IMPACT: variants seen among roughly 807,000 people sequenced by gnomAD.
The protein encoded by IMPACT is impact RWD domain protein, also known as protein IMPACT.
A neutral mutation model predicts 47.5 loss-of-function variants in IMPACT; 35 were observed. The observed-to-expected ratio is 0.74, with a 90% CI of 0.56 to 0.98. IMPACT has a LOEUF of 0.98. Among genes scored for constraint, IMPACT ranks in the 50% least tolerant of loss-of-function variants. The probability of loss-of-function intolerance (pLI) is 0.00; values close to 1 mark genes in which losing one functional copy is unlikely to be tolerated. For missense variants in IMPACT, 373 were observed against 394.8 expected, an observed-to-expected ratio of 0.94 and a Z score of 0.47; for synonymous variants, 118 against 125.6, an observed-to-expected ratio of 0.94 and a Z score of 0.40.
chr18:24,427,675 A>G lies in IMPACT; in HGVS notation c.37-244A>G, dbSNP rs947561271. 11 of 460,754 alleles carry G rather than the reference A, an allele frequency of 2.4e-5. No homozygotes were observed. The South Asian group carries it at 2.9e-4, about 12-fold the overall frequency. The allele number at this position is 460,754 out of a possible 1,614,324, so 28.5% of individuals were successfully genotyped here. The stretch of plus-strand genomic sequence containing the variant: ...TGCATATATATTATATTTTGACTCA[A>G]TAGTGGCCAAAAGCACAGTAATGCA... On this transcript the variant is annotated intron_variant, in intron 1 of 10. Transcript: ENST00000284202.
intron 4 of IMPACT, among the ~76,000 whole-genome samples, chr18:24,435,751 G>A (rs1465649324): frequency 6.6e-6 from 1 of 152,126 alleles, no homozygotes; most frequent in Non-Finnish European, 1.5e-5. Context: ...CGGGTGTGTT[G>A]GGCATATTGA....
At position 24,427,577 on chromosome 18, in the gene IMPACT, A is replaced by C. The variant is rs867489511; in HGVS notation, c.37-342A>C. On this transcript the variant is annotated intron_variant, in intron 1 of 10. Coordinates refer to ENST00000284202, the MANE Select transcript of IMPACT (RefSeq NM_018439.4). ...GAGTCAGGGGTGGAGATTACCTGTT[A>C]AAAAAGAGAAGGTGGAACAGAGAAG... is the stretch of plus-strand genomic sequence containing the variant. The C allele has an allele frequency of 3.2e-5, 6 of 187,424 alleles. No homozygotes were observed. In the South Asian group the frequency reaches 6.4e-4, roughly 20 times the overall value. The allele number at this position is 187,424 out of a possible 1,614,324, so 11.6% of individuals were successfully genotyped here.
In IMPACT at chr18:24,450,776, CAGG is replaced by C. The variant is rs1909364579; in HGVS notation, c.898_900del (p.Glu300del). ...ATGCTGCACTGATTTGTGTCTTTTTCAGGAGGAGTCATCTAAGGCTTTGGGAAA... is the reference window on the plus strand; with the variant it reads ...ATGCTGCACTGATTTGTGTCTTTTTCAGGAGTCATCTAAGGCTTTGGGAAA... On this transcript the variant is annotated splice_acceptor_variant and coding_sequence_variant, in exon 11 of 11. Coordinates refer to ENST00000284202, the MANE Select transcript of IMPACT (RefSeq NM_018439.4). LOFTEE classifies it high-confidence loss of function. The C allele has an allele frequency of 6.2e-7, 1 of 1,602,776 alleles. No homozygotes were observed. The highest frequency in any genetic ancestry group is 1.1e-5 in the South Asian group (1 of 90,328).
At chr18:24,450,189 G>A (rs1455107659) in intron 10 of IMPACT, among the ~76,000 whole-genome samples, 1 of 151,990 alleles carries the variant, frequency 6.6e-6, no homozygotes, top group East Asian at 1.9e-4. Context: ...TCATCCCTTC[G>A]CACCTTGATT....
rs748812567 is a variant in IMPACT at position 24,428,030 on chromosome 18, T to C, written c.148T>C (p.Trp50Arg). 1.3e-6 allele frequency: 2 copies of C among 1,580,280 alleles called. No homozygotes were observed. Among genetic ancestry groups the C allele is most frequent in the Admixed American group, 4.0e-5 (2 of 50,056 alleles). Residue 50 changes from tryptophan to arginine, a missense_variant, in exon 2 of 11, where the codon TGG (tryptophan) becomes CGG (arginine). Coordinates refer to ENST00000284202, the MANE Select transcript of IMPACT (RefSeq NM_018439.4). ...TAGCGACGATATAGATGACCCCAAA[T>C]GGACACTTTGCTTGCAGGTACTTTT... is the stretch of plus-strand genomic sequence containing the variant. ...RISDDIDDPK[W>R]TLCLQVMLPN...
intron 9 of IMPACT, among the ~76,000 whole-genome samples, chr18:24,449,230 G>A (rs899215213): frequency 6.6e-6 from 1 of 152,126 alleles, no homozygotes; most frequent in Non-Finnish European, 1.5e-5. Flanking sequence ...GGGCATGGTG[G>A]TGCATGCACC....
intron 9 of IMPACT, among the ~76,000 whole-genome samples, chr18:24,448,449 G>GT (rs1048994282): frequency 1.7e-4 from 26 of 151,866 alleles, no homozygotes; most frequent in African/African-American, 5.8e-4. Context: ...AAAACACTTT[G>GT]TTTTTTTGAC....
Position 24,441,461 on chromosome 18 carries a change from C to T in IMPACT, c.490+843C>T, listed in dbSNP as rs139897468. ...CCCAGAGTGCTGGGATTATTATAGG[C>T]GTGAGCCACCACGCCCGGCCTAGTT... On this transcript the variant is annotated intron_variant, in intron 6 of 10. Transcript: ENST00000284202. Among the ~76,000 whole-genome samples, 43 of 152,318 alleles carry T rather than the reference C, an allele frequency of 2.8e-4. No individual in the cohort carries two copies. The East Asian group carries it at 6.4e-3, about 23-fold the overall frequency.
At chr18:24,441,347 C>T (rs1044436290) in intron 6 of IMPACT, among the ~76,000 whole-genome samples, 3 of 152,182 alleles carry the variant, frequency 2.0e-5, no homozygotes, top group African/African-American at 7.2e-5. Flanking sequence ...CACATGCCAC[C>T]ATGCCTGTCT....
intron 9 of IMPACT, among the ~76,000 whole-genome samples, chr18:24,449,013 C>T (rs1263973146): frequency 6.6e-6 from 1 of 152,134 alleles, no homozygotes; most frequent in Non-Finnish European, 1.5e-5. Context: ...GTTTGTGGGT[C>T]AGGCCTGTAA....
In IMPACT at chr18:24,430,323, G is replaced by T. The variant is rs1368281430; in HGVS notation, c.220G>T (p.Ala74Ser). Residue 74 changes from alanine to serine, a missense_variant and splice_region_variant, in exon 4 of 11, where the codon GCT becomes TCT. Physicochemically the swap from Ala to Ser is moderately conservative, Grantham distance 99. Transcript: ENST00000284202. ...GTAPPIYQLN[A>S]PWLKGQERAD... Reference sequence around the variant, plus strand: ...CTTAATTGTTTTATTTAATCTTAGTGCTCCTTGGCTTAAAGGGCAAGAACG... The same window carrying T: ...CTTAATTGTTTTATTTAATCTTAGTTCTCCTTGGCTTAAAGGGCAAGAACG... The T allele has an allele frequency of 1.9e-6, 3 of 1,588,784 alleles. No individual in the cohort carries two copies. The highest frequency in any genetic ancestry group is 2.6e-6 in the Non-Finnish European group (3 of 1,168,442).
In IMPACT at chr18:24,430,330, GGCTT is replaced by G. The variant is rs779296886; in HGVS notation, c.228_231del (p.Trp76Ter). 2 of 1,593,548 alleles carry G rather than the reference GGCTT, an allele frequency of 1.3e-6. No homozygotes were observed. The highest frequency in any genetic ancestry group is 1.7e-6 in the Non-Finnish European group (2 of 1,171,658). The stretch of plus-strand genomic sequence containing the variant: ...GTTTTATTTAATCTTAGTGCTCCTT[GGCTT>G]AAAGGGCAAGAACGTGCGGATTTAT... On this transcript the variant is annotated frameshift_variant, in exon 4 of 11. Transcript: ENST00000284202. LOFTEE classifies it high-confidence loss of function.
At chr18:24,443,175 A>C in intron 7 of IMPACT, 23 bp downstream of exon 7, 169 of 1,116,312 alleles carry the variant, frequency 1.5e-4, no homozygotes, top group Non-Finnish European at 2.1e-4. Context: ...TGTCTAGCTC[A>C]CTTTGATGAT....
chr18:24,434,395 C>T (rs1157467287), intron 4 of IMPACT, among the ~76,000 whole-genome samples: 1 of 151,852 alleles, frequency 6.6e-6, no homozygotes, highest in Non-Finnish European at 1.5e-5. Context: ...GAAGAGCAGT[C>T]AGTAACTCAG....
rs1908613847 is a variant in IMPACT at position 24,426,675 on chromosome 18, G to A, written c.-82G>A. ...TCCGGGTCGGGCCGCGCCGCAGCCA[G>A]CTCTCGGCTCGCAGCCGCAGCGCCC... On this transcript the variant is annotated 5_prime_UTR_variant, in exon 1 of 11. Coordinates refer to ENST00000284202, the MANE Select transcript of IMPACT (RefSeq NM_018439.4). 2 of 1,078,778 alleles carry A rather than the reference G, an allele frequency of 1.9e-6. No homozygotes were observed. The highest frequency in any genetic ancestry group is 4.5e-5 in the South Asian group (1 of 22,250). The allele number at this position is 1,078,778 out of a possible 1,614,324, so 66.8% of individuals were successfully genotyped here. A position where few individuals can be genotyped will look rare whatever the true frequency, so the allele number is the denominator to read the frequency against.
chr18:24,445,282 T>A (rs1168594280), intron 7 of IMPACT, 111 bp from the exon 8 acceptor site: 6 of 659,998 alleles, frequency 9.1e-6, no homozygotes, highest in Middle Eastern at 6.9e-4. Context: ...TATAGTAGAC[T>A]CTTTAAGTGA....
At chr18:24,427,684 A>G in intron 1 of IMPACT, 1 of 477,436 alleles carries the variant, frequency 2.1e-6, no homozygotes, top group Non-Finnish European at 3.6e-6. Context: ...AATAGTGGCC[A>G]AAAGCACAGT....
intron 4 of IMPACT, among the ~76,000 whole-genome samples, chr18:24,433,256 G>T (rs2957248): frequency 0.13 from 17,287 of 130,068 alleles, 1,244 homozygotes; most frequent in Admixed American, 0.19. Flanking sequence ...GCGGACTGCA[G>T]TGGCGCAATC....
chr18:24,449,979 AG>A, intron 10 of IMPACT, 26 bp downstream of exon 10: 1 of 1,606,854 alleles, frequency 6.2e-7, no homozygotes, highest in African/African-American at 1.3e-5. Context: ...TACTACATCT[AG>A]AGAATTTCTC....
Sources: allele counts gnomAD v4.1 joint callset (sites outside exome capture counted in the v4.1 genomes callset), GRCh38; gene constraint gnomAD v4.1.1; transcripts MANE v1.5; gene names NCBI Gene and HGNC (gene_info 2026-07-23, HGNC 2026-07-21).